The following ADAMTSL1 variants were observed in gnomAD, a reference collection of about 807,000 sequenced individuals.
The protein encoded by ADAMTSL1 is ADAMTS like 1.
ADAMTSL1 carries 126 observed loss-of-function variants against 201.8 expected under a neutral mutation model. The ratio of observed to expected loss-of-function variants is 0.62; its 90% confidence interval spans 0.54 to 0.72. The LOEUF is 0.72. Ranked by LOEUF, ADAMTSL1 falls within the 30% of genes least tolerant of loss-of-function variation. ADAMTSL1 has a pLI of 0.00. For missense variants in ADAMTSL1, 2,679 were observed against 2,277.8 expected (o/e 1.18, Z -3.59); for synonymous variants, 1,121 against 903.4 (o/e 1.24, Z -4.32).
intron 2 of ADAMTSL1, among the ~76,000 whole-genome samples, chr9:18,416,194 A>T (rs749751936): frequency 3.3e-5 from 5 of 152,122 alleles, no homozygotes; most frequent in Non-Finnish European, 5.9e-5. Context: ...ATGATAATCG[A>T]CATTTAAACA....
In ADAMTSL1 at chr9:18,770,585, C is replaced by T. The variant is rs1364741136; in HGVS notation, c.2218-17C>T. On this transcript the variant is annotated splice_polypyrimidine_tract_variant and intron_variant, in intron 16 of 28. Transcript: ENST00000380548. ...TATTGGGTCTACTTTTTCTTCTTTCCTTCTTTCTTTCCCCAGTGTTCCAGA... is the reference window on the plus strand; with the variant it reads ...TATTGGGTCTACTTTTTCTTCTTTCTTTCTTTCTTTCCCCAGTGTTCCAGA... The T allele has an allele frequency of 2.5e-6, 4 of 1,594,686 alleles. No homozygotes were observed. The Admixed American group carries it at 5.1e-5, about 21-fold the overall frequency.
chr9:18,028,888 C>T (rs1222966306), intron 1 of ADAMTSL1, among the ~76,000 whole-genome samples: 1 of 152,184 alleles, frequency 6.6e-6, no homozygotes, highest in Non-Finnish European at 1.5e-5. Context: ...TCTTCCTACC[C>T]ATGAGCATGG....
chr9:18,555,381 A>G (rs752358079), intron 3 of ADAMTSL1, among the ~76,000 whole-genome samples: 29 of 151,890 alleles, frequency 1.9e-4, no homozygotes, highest in Non-Finnish European at 3.7e-4. Flanking sequence ...TGTATTAACA[A>G]TTTTTTAAAT....
At chr9:18,614,547 C>G (rs1825582436) in intron 4 of ADAMTSL1, among the ~76,000 whole-genome samples, 1 of 152,172 alleles carries the variant, frequency 6.6e-6, no homozygotes, top group South Asian at 2.1e-4. Flanking sequence ...TTGGCAAACA[C>G]TAGTTCACAT....
In ADAMTSL1 at chr9:18,078,455, G is replaced by A. The variant is rs570802039; in HGVS notation, c.88-85407G>A. ...TTTCTTCCCCTACCCCACAGCTCCT[G>A]TGTGTCTGTTCTTAGTCAGAGTTTC... On this transcript the variant is annotated intron_variant, in intron 1 of 29. Coordinates refer to the ADAMTSL1 transcript ENST00000680146. Among the ~76,000 whole-genome samples the A allele has an allele frequency of 8.5e-5, 13 of 152,276 alleles. No individual in the cohort carries two copies. The East Asian group carries it at 2.3e-3, about 27-fold the overall frequency.
chr9:18,629,736 C>T (rs984978002), intron 5 of ADAMTSL1, among the ~76,000 whole-genome samples: 1 of 152,118 alleles, frequency 6.6e-6, no homozygotes, highest in Non-Finnish European at 1.5e-5. Context: ...AGTATTAGCA[C>T]AAAATGGCCT....
intron 2 of ADAMTSL1, among the ~76,000 whole-genome samples, chr9:18,370,523 G>A (rs560256181): frequency 9.9e-5 from 15 of 152,182 alleles, no homozygotes; most frequent in Admixed American, 8.5e-4. Flanking sequence ...CCTCATGCAC[G>A]CCAATGGCTC....
intron 1 of ADAMTSL1, among the ~76,000 whole-genome samples, chr9:18,013,729 C>T (rs191057793): frequency 6.6e-6 from 1 of 152,054 alleles, no homozygotes; most frequent in Non-Finnish European, 1.5e-5. Context: ...TGACAAGATG[C>T]CATACCTCTG....
chr9:18,690,553 C>A (rs1367594607), intron 13 of ADAMTSL1, among the ~76,000 whole-genome samples: 1 of 152,028 alleles, frequency 6.6e-6, no homozygotes, highest in Non-Finnish European at 1.5e-5. Flanking sequence ...TGAGATGATT[C>A]ATGATTCTTA....
rs1196075781 is a variant in ADAMTSL1 at position 18,176,017 on chromosome 9, A to AT, written c.207+12036_207+12037insT. Among the ~76,000 whole-genome samples the AT allele has an allele frequency of 1.6e-3, 225 of 137,152 alleles. 3 individuals carry two copies. The highest frequency in any genetic ancestry group is 7.4e-3 in the Middle Eastern group (2 of 270). The allele number at this position is 137,152 out of a possible 152,430, so 90.0% of individuals were successfully genotyped here. The stretch of plus-strand genomic sequence containing the variant: ...TAAGAAGAGGGAAAGCAAAAAAAAA[A>AT]AAAAAAAAAAAAAAAAGGCAAACAA... On this transcript the variant is annotated intron_variant, in intron 2 of 29. Transcript: ENST00000680146.
In ADAMTSL1 at chr9:18,858,085, C is replaced by G. The variant is rs533723082; in HGVS notation, c.4249+28108C>G. On this transcript the variant is annotated intron_variant, in intron 23 of 28. Transcript: ENST00000380548. ...AATGCATATATCTGTGCATGTATAG[C>G]CATATACACACACACTAATATAATC... is the stretch of plus-strand genomic sequence containing the variant. Among the ~76,000 whole-genome samples, 55 of 152,074 alleles carry G rather than the reference C, an allele frequency of 3.6e-4. 1 individual carries two copies. Among genetic ancestry groups the G allele is most frequent in the Non-Finnish European group, 2.9e-4 (20 of 68,024 alleles).
intron 2 of ADAMTSL1, among the ~76,000 whole-genome samples, chr9:18,465,742 T>C (rs1189578482): frequency 2.0e-5 from 3 of 151,684 alleles, no homozygotes; most frequent in Admixed American, 6.6e-5. Flanking sequence ...TATCTTTTTG[T>C]TTTGTTTTGT....
At chr9:18,258,720 T>C (rs1452285450) in intron 2 of ADAMTSL1, among the ~76,000 whole-genome samples, 2 of 152,118 alleles carry the variant, frequency 1.3e-5, no homozygotes, top group East Asian at 1.9e-4. Context: ...CTTACATTGC[T>C]CTCTCAAATG....
intron 1 of ADAMTSL1, among the ~76,000 whole-genome samples, chr9:18,153,976 A>G (rs1168267598): frequency 2.0e-5 from 3 of 152,046 alleles, no homozygotes; most frequent in African/African-American, 4.8e-5. Flanking sequence ...TTCTGGCAGC[A>G]GGTAATTTTG....
intron 2 of ADAMTSL1, among the ~76,000 whole-genome samples, chr9:18,283,260 C>G (rs1832861786): frequency 6.6e-6 from 1 of 152,096 alleles, no homozygotes; most frequent in Non-Finnish European, 1.5e-5. Context: ...TATCATCTCT[C>G]CAGTCTTATG....
intron 2 of ADAMTSL1, among the ~76,000 whole-genome samples, chr9:18,200,079 C>G (rs1460594180): frequency 6.6e-6 from 1 of 151,800 alleles, no homozygotes; most frequent in Non-Finnish European, 1.5e-5. Flanking sequence ...AGAAGAGGAA[C>G]CCAAAATAAA....
At chr9:18,279,245 A>G (rs569190160) in intron 2 of ADAMTSL1, among the ~76,000 whole-genome samples, 2 of 152,224 alleles carry the variant, frequency 1.3e-5, no homozygotes, top group East Asian at 1.9e-4. Context: ...TACATGTATA[A>G]AAGTCAGCCC....
intron 2 of ADAMTSL1, among the ~76,000 whole-genome samples, chr9:18,456,903 A>C (rs1205418986): frequency 6.6e-6 from 1 of 152,144 alleles, no homozygotes; most frequent in South Asian, 2.1e-4. Flanking sequence ...AATTTTTTCC[A>C]TACCTTTCTC....
intron 20 of ADAMTSL1, among the ~76,000 whole-genome samples, chr9:18,801,839 G>T (rs949882432): frequency 6.6e-6 from 1 of 152,144 alleles, no homozygotes; most frequent in African/African-American, 2.4e-5. Flanking sequence ...TTGTGTGTGT[G>T]TGCCTTTATG....
Sources: allele counts gnomAD v4.1 joint callset (sites outside exome capture counted in the v4.1 genomes callset), GRCh38; gene constraint gnomAD v4.1.1; transcripts MANE v1.5; gene names NCBI Gene and HGNC (gene_info 2026-07-23, HGNC 2026-07-21).